KRT78: variants seen among roughly 807,000 people sequenced by gnomAD.
The protein encoded by KRT78 is keratin, type II cytoskeletal 78.
In KRT78, 55 loss-of-function variants were observed where a neutral mutation model predicts 51.4. The ratio of observed to expected loss-of-function variants is 1.07; its 90% CI spans 0.86 to 1.34. The LOEUF (loss-of-function observed/expected upper bound fraction) is 1.34, where lower values mean the gene tolerates loss of function less well. Among genes scored for constraint, KRT78 ranks in the 40% most tolerant of loss-of-function variants. The pLI, the probability that KRT78 is intolerant of heterozygous loss-of-function variation, is 0.00. For synonymous variants in KRT78, 291 were observed against 264.3 expected (o/e 1.10, Z -0.98); for missense variants, 652 against 649.4 (o/e 1.00, Z -0.04).
At position 52,848,602 on chromosome 12, in the gene KRT78, T is replaced by A; in HGVS notation, c.329A>T (p.Gln110Leu). Residue 110 changes from glutamine to leucine, a missense_variant, in exon 1 of 9, where the codon CAG becomes CTG. Physicochemically the swap from Gln to Leu is moderately radical, Grantham distance 113. Transcript: ENST00000304620. ...IDPQFQVVRT[Q>L]ETQEIRTLNN... Reference sequence around the variant, plus strand: ...GAGGGTTCTGATCTCCTGGGTCTCCTGCGTCCGCACCACCTGGAACTGGGG... The same window carrying A: ...GAGGGTTCTGATCTCCTGGGTCTCCAGCGTCCGCACCACCTGGAACTGGGG... 1 of 1,614,082 alleles carries A rather than the reference T, an allele frequency of 6.2e-7. No individual in the cohort carries two copies. The highest frequency in any genetic ancestry group is 8.5e-7 in the Non-Finnish European group (1 of 1,180,000).
chr12:52,844,985 A>G (rs1592145998), intron 4 of KRT78, among the ~76,000 whole-genome samples: 2 of 142,676 alleles, frequency 1.4e-5, no homozygotes, highest in South Asian at 2.4e-4. Flanking sequence ...CCCAGCCCCC[A>G]TCACTCCTCA....
At position 52,844,697 on chromosome 12, in the gene KRT78, G is replaced by A. The variant is rs1253671517; in HGVS notation, c.783C>T (p.Ala261=). 1 of 1,613,028 alleles carries A rather than the reference G, an allele frequency of 6.2e-7. No individual in the cohort carries two copies. The highest frequency in any genetic ancestry group is 1.7e-5 in the Admixed American group (1 of 59,946). ...TGGACAGCACCACAGACGTGTCGCT[G>A]GCCTGGGTCTGGAGCTGGCCCAGCT... ...EEELGQLQTQ[A]SDTSVVLSMD... The change falls in exon 5 of 9, where the codon GCC becomes GCT. Residue 261 remains alanine (A), a synonymous_variant. Transcript: ENST00000304620.
chr12:52,846,316 A>G, intron 3 of KRT78, 24 bp from the exon 4 acceptor site: 1 of 1,430,744 alleles, frequency 7.0e-7, no homozygotes, highest in South Asian at 1.1e-5. Flanking sequence ...GAGAGAGAAC[A>G]CGTAACCCCC....
At chr12:52,845,980 C>A in intron 4 of KRT78, 1 of 513,420 alleles carries the variant, frequency 1.9e-6, no homozygotes, top group Non-Finnish European at 3.4e-6. Context: ...ATTTTTTTAT[C>A]TGTAGTGATT....
chr12:52,843,957 C>G, intron 6 of KRT78, 136 bp downstream of exon 6: 1 of 1,069,962 alleles, frequency 9.3e-7, no homozygotes, highest in Non-Finnish European at 1.4e-6. Flanking sequence ...CCAAATTATC[C>G]AAAGCTCCAG....
chr12:52,844,754 A>G (rs1940601802), intron 4 of KRT78, 31 bp from the exon 5 acceptor site: 1 of 1,578,628 alleles, frequency 6.3e-7, no homozygotes, highest in Non-Finnish European at 8.6e-7. Context: ...GTGTCCACTC[A>G]CCCCCAGCTC....
rs116555367 is a variant in KRT78 at position 52,839,008 on chromosome 12, G to A, written c.*105C>T. On this transcript the variant is annotated 3_prime_UTR_variant, in exon 9 of 9. Transcript: ENST00000304620. ...ATTGATTTTTGCAGCATCCGCTGTGGGCTGGCTTGGGCTGTGGGCAGCGGA... is the reference window on the plus strand; with the variant it reads ...ATTGATTTTTGCAGCATCCGCTGTGAGCTGGCTTGGGCTGTGGGCAGCGGA... The A allele has an allele frequency of 2.0e-3, 2,680 of 1,340,498 alleles. 57 individuals are homozygous for A. In the African/African-American group the frequency reaches 0.035, roughly 17 times the overall value. 83.0% of individuals were successfully genotyped at this position (1,340,498 alleles called of 1,614,324 possible). A position where few individuals can be genotyped will look rare whatever the true frequency, so the allele number is the denominator to read the frequency against.
At chr12:52,841,221 C>A (rs1245030615) in intron 6 of KRT78, among the ~76,000 whole-genome samples, 1 of 152,112 alleles carries the variant, frequency 6.6e-6, no homozygotes, top group Non-Finnish European at 1.5e-5. Context: ...CGGTGGCTCA[C>A]GCCTGTAATT....
rs749755985 is a variant in KRT78, at chr12:52,844,586, A to G, written c.894T>C (p.Ala298=). The change falls in exon 5 of 9, where the codon GCT becomes GCC. Residue 298 remains alanine (A), a synonymous_variant. Coordinates refer to ENST00000304620, the MANE Select transcript of KRT78 (RefSeq NM_173352.4). ...TGGTCTGGTACAAGGCCTCAGCCTC[A>G]GCCTTGCTGCTCCGGGCGATCTCCT... ...RYEEIARSSK[A]EAEALYQTKY... is the part of the protein sequence containing the mutation. 7 of 1,613,874 alleles carry G rather than the reference A, an allele frequency of 4.3e-6. No homozygotes were observed. The Admixed American group carries it at 1.2e-4, about 27-fold the overall frequency.
chr12:52,848,791 C>A lies in KRT78; in HGVS notation c.140G>T (p.Cys47Phe). ...SSRSLNSFGG[C>F]LEGSRGSTWG... ...GGTACTCCCACGAGAGCCTTCCAGG[C>A]ACCCCCCAAAGGAATTAAGGCTCCT... Residue 47 changes from cysteine to phenylalanine, a missense_variant, in exon 1 of 9, where the codon TGC becomes TTC. By Grantham distance (205) the Cys-to-Phe change is radical. Transcript: ENST00000304620. The A allele has an allele frequency of 6.2e-7, 1 of 1,613,154 alleles. No homozygotes were observed. Among genetic ancestry groups the A allele is most frequent in the Non-Finnish European group, 8.5e-7 (1 of 1,179,702 alleles).
rs778345112 is a variant in KRT78, at chr12:52,839,497, A to G, written c.1269-10T>C. 1.9e-6 allele frequency: 3 copies of G among 1,584,040 alleles called. No individual in the cohort carries two copies. The Admixed American group carries it at 5.4e-5, about 29-fold the overall frequency. On this transcript the variant is annotated splice_polypyrimidine_tract_variant and intron_variant, in intron 7 of 8. Transcript: ENST00000304620. Reference sequence around the variant, plus strand: ...GCACTCCCCAGACATCCTAGGGGGAAAAGGACAAGAGGGGGATGCGCTAAG... The same window carrying G: ...GCACTCCCCAGACATCCTAGGGGGAGAAGGACAAGAGGGGGATGCGCTAAG...
At chr12:52,840,626 G>A (rs1411704581) in intron 6 of KRT78, among the ~76,000 whole-genome samples, 1 of 152,180 alleles carries the variant, frequency 6.6e-6, no homozygotes, top group Non-Finnish European at 1.5e-5. Flanking sequence ...AGAATTGCTT[G>A]AACCCGGGAG....
intron 4 of KRT78, among the ~76,000 whole-genome samples, chr12:52,845,693 T>C (rs1053592897): frequency 6.6e-6 from 1 of 152,234 alleles, no homozygotes; most frequent in Admixed American, 6.5e-5. Context: ...TGGTGGCTCA[T>C]GCCTGTAATC....
Position 52,839,828 on chromosome 12 carries a change from T to G in KRT78, c.1204A>C (p.Thr402Pro). 1.2e-6 allele frequency: 2 copies of G among 1,614,090 alleles called. No homozygotes were observed. Among genetic ancestry groups the G allele is most frequent in the African/African-American group, 1.3e-5 (1 of 75,020 alleles). The change falls in exon 7 of 9, where the codon ACG becomes CCG. Residue 402 changes from threonine to proline, a missense_variant. By Grantham distance (38) the Thr-to-Pro change is conservative (BLOSUM62 -1). Coordinates refer to ENST00000304620, the MANE Select transcript of KRT78 (RefSeq NM_173352.4). ...LLCEYQELTS[T>P]KLSLDVEIAT... is the part of the protein sequence containing the mutation. ...ATCTCCACATCCAGGGAAAGCTTCG[T>G]GCTCGTCAGCTCCTGGTACTCGCAC...
At chr12:52,844,056 G>T (rs1940579955) in intron 6 of KRT78, 37 bp downstream of exon 6, 1 of 1,609,346 alleles carries the variant, frequency 6.2e-7, no homozygotes, top group South Asian at 1.1e-5. Flanking sequence ...AGGCACAAAG[G>T]CAATGAGAGG....
At position 52,839,326 on chromosome 12, in the gene KRT78, G is replaced by A. The variant is rs1940424096; in HGVS notation, c.1350C>T (p.Gly450=). The A allele has an allele frequency of 1.2e-6, 2 of 1,613,964 alleles. No individual in the cohort carries two copies. The highest frequency in any genetic ancestry group is 1.7e-6 in the Non-Finnish European group (2 of 1,179,964). Residue 450 remains glycine, a synonymous_variant, in exon 9 of 9, where the codon GGC becomes GGT. Coordinates refer to ENST00000304620, the MANE Select transcript of KRT78 (RefSeq NM_173352.4). ...TACCGAGTCCACAAGTGCTCCCCAA[G>A]CCTCCACCAACTCCTCCAGACATGA... ...SAVMSGGVGG[G]LGSTCGLGSG...
intron 3 of KRT78, 65 bp from the exon 4 acceptor site, chr12:52,846,357 A>T: frequency 9.8e-7 from 1 of 1,025,194 alleles, no homozygotes; most frequent in Non-Finnish European, 1.5e-6. Flanking sequence ...ACTCTGGCTC[A>T]GGAATTCTGT....
At chr12:52,845,931 C>G in intron 4 of KRT78, 3 of 419,552 alleles carry the variant, frequency 7.2e-6, no homozygotes, top group Non-Finnish European at 8.5e-6. Flanking sequence ...CCAGCCTGGG[C>G]AACTGAGCAA....
chr12:52,839,795 A>G lies in KRT78; in HGVS notation c.1237T>C (p.Tyr413His). 1 of 1,614,062 alleles carries G rather than the reference A, an allele frequency of 6.2e-7. No homozygotes were observed. Reference protein sequence around the residue: ...KLSLDVEIATYRRLLEGEECR... With the variant: ...KLSLDVEIATHRRLLEGEECR... ...TCCTCGCCCTCCAGCAGCCTGCGGT[A>G]AGTGGCAATCTCCACATCCAGGGAA... Residue 413 changes from tyrosine (Y) to histidine (H), a missense_variant, in exon 7 of 9, where the codon TAC (tyrosine) becomes CAC (histidine). Transcript: ENST00000304620.
Sources: allele counts gnomAD v4.1 joint callset (sites outside exome capture counted in the v4.1 genomes callset), GRCh38; gene constraint gnomAD v4.1.1; transcripts MANE v1.5; gene names NCBI Gene and HGNC (gene_info 2026-07-23, HGNC 2026-07-21).